The following USH2A variants were observed in gnomAD, a reference collection of about 807,000 sequenced individuals.
USH2A encodes the protein usherin.
A neutral mutation model predicts 538.9 loss-of-function variants in USH2A; 443 were observed. The observed-to-expected ratio is 0.82, with a 90% CI of 0.76 to 0.89. The LOEUF is 0.89. USH2A is among the 40% of genes least tolerant of loss of function. USH2A has a pLI of 0.00. For synonymous variants in USH2A, 2,413 were observed against 2,273.5 expected, an observed-to-expected ratio of 1.06 and a Z score of -1.75; for missense variants, 6,633 against 6,324.8, an observed-to-expected ratio of 1.05 and a Z score of -1.65.
chr1:216,328,472 C>A (rs1238441495), intron 4 of USH2A, among the ~76,000 whole-genome samples: 3 of 151,960 alleles, frequency 2.0e-5, no homozygotes, highest in African/African-American at 7.2e-5. Context: ...TTTTTAATAA[C>A]AAAATTTATT....
At chr1:215,981,350 A>G (rs1667748917) in intron 35 of USH2A, among the ~76,000 whole-genome samples, 1 of 151,972 alleles carries the variant, frequency 6.6e-6, no homozygotes, top group South Asian at 2.1e-4. Flanking sequence ...CTCTCTTATT[A>G]TTTATCTTTG....
chr1:215,738,454 G>T (rs1373974924), intron 60 of USH2A, among the ~76,000 whole-genome samples: 2 of 152,004 alleles, frequency 1.3e-5, no homozygotes, highest in African/African-American at 4.8e-5. Context: ...TTCTTACTAG[G>T]TTATTTTGTT....
intron 3 of USH2A, among the ~76,000 whole-genome samples, chr1:216,405,622 TC>T (rs1423182283): frequency 3.0e-4 from 45 of 152,182 alleles, no homozygotes; most frequent in African/African-American, 1.0e-3. Flanking sequence ...GAACAGCCAC[TC>T]TGGAAATGAG....
At chr1:215,993,347 C>T (rs1668050519) in intron 34 of USH2A, among the ~76,000 whole-genome samples, 180 bp from the exon 35 acceptor site, 1 of 152,148 alleles carries the variant, frequency 6.6e-6, no homozygotes, top group African/African-American at 2.4e-5. Flanking sequence ...CTTTTTAAGA[C>T]ATAAGATAGC....
chr1:215,626,250 C>T (rs888701472), intron 71 of USH2A, among the ~76,000 whole-genome samples: 1 of 149,016 alleles, frequency 6.7e-6, no homozygotes, highest in African/African-American at 2.5e-5. Flanking sequence ...TATATACACA[C>T]TATATAGACA....
At chr1:215,650,889 T>C (rs1571931303) in intron 64 of USH2A, 88 bp from the exon 65 acceptor site, 4 of 1,483,126 alleles carry the variant, frequency 2.7e-6, no homozygotes, top group East Asian at 2.3e-5. Context: ...AAAAACGAAA[T>C]TGGCAACCAA....
intron 45 of USH2A, 116 bp from the exon 46 acceptor site, chr1:215,844,612 C>T (rs1262061657): frequency 4.1e-5 from 44 of 1,069,276 alleles, no homozygotes; most frequent in Non-Finnish European, 5.3e-5. Flanking sequence ...ATCTGCTTTT[C>T]GCTGATGAAG....
intron 47 of USH2A, among the ~76,000 whole-genome samples, chr1:215,818,284 C>G (rs1019409194): frequency 6.6e-6 from 1 of 151,712 alleles, no homozygotes; most frequent in Non-Finnish European, 1.5e-5. Context: ...TTACTTAAGT[C>G]TCTTTTGTCA....
intron 3 of USH2A, among the ~76,000 whole-genome samples, chr1:216,415,250 T>G (rs2039557295): frequency 1.3e-5 from 2 of 152,124 alleles, no homozygotes; most frequent in African/African-American, 4.8e-5. Flanking sequence ...GCCCTCATTT[T>G]GTTCATCTAG....
At chr1:215,864,637 T>A (rs1185260116) in intron 44 of USH2A, among the ~76,000 whole-genome samples, 1 of 152,176 alleles carries the variant, frequency 6.6e-6, no homozygotes, top group Non-Finnish European at 1.5e-5. Flanking sequence ...AATTCTTAAA[T>A]GTTTGCAAAT....
chr1:215,717,313 A>G (rs4655425), intron 61 of USH2A, among the ~76,000 whole-genome samples: 25,998 of 152,096 alleles, frequency 0.17, 2,305 homozygotes, highest in South Asian at 0.31. Context: ...AGAAAGGTCT[A>G]CGGAATCATC....
At chr1:215,849,861 T>C (rs1004148672) in intron 44 of USH2A, among the ~76,000 whole-genome samples, 2 of 152,186 alleles carry the variant, frequency 1.3e-5, no homozygotes, top group African/African-American at 4.8e-5. Flanking sequence ...ATTTAAATGG[T>C]TACTTATGTG....
At chr1:216,259,268 C>T (rs1306895398) in intron 11 of USH2A, among the ~76,000 whole-genome samples, 2 of 152,126 alleles carry the variant, frequency 1.3e-5, no homozygotes, top group Non-Finnish European at 1.5e-5. Context: ...TAGAAACATA[C>T]TGGTTGCTGC....
chr1:216,235,470 C>A (rs747569487), intron 13 of USH2A, among the ~76,000 whole-genome samples: 4 of 152,124 alleles, frequency 2.6e-5, no homozygotes, highest in African/African-American at 2.4e-5. Flanking sequence ...ATTTAGCTGA[C>A]CCTTGGTTTT....
At chr1:215,750,846 C>G (rs904612024) in intron 58 of USH2A, among the ~76,000 whole-genome samples, 1 of 151,980 alleles carries the variant, frequency 6.6e-6, no homozygotes, top group African/African-American at 2.4e-5. Flanking sequence ...ATAGGACATA[C>G]TATATTAAGT....
intron 41 of USH2A, among the ~76,000 whole-genome samples, chr1:215,882,332 T>A: frequency 6.6e-6 from 1 of 152,336 alleles, no homozygotes; most frequent in African/African-American, 2.4e-5. Flanking sequence ...CATGTGGGAA[T>A]ATTTGACTCC....
intron 47 of USH2A, among the ~76,000 whole-genome samples, chr1:215,828,804 G>T (rs943185472): frequency 6.6e-6 from 1 of 152,140 alleles, no homozygotes; most frequent in African/African-American, 2.4e-5. Context: ...TAACAGTAAT[G>T]TAATAAAACA....
intron 19 of USH2A, chr1:216,195,876 CACA>C (rs2034830178): frequency 1.8e-5 from 3 of 167,162 alleles, no homozygotes; most frequent in Non-Finnish European, 4.4e-5. Context: ...GTATATCAGC[CACA>C]ACTGTAAACT....
At chr1:216,306,194 C>T (rs924134250) in intron 9 of USH2A, among the ~76,000 whole-genome samples, 11 of 151,810 alleles carry the variant, frequency 7.2e-5, no homozygotes, top group African/African-American at 2.4e-4. Context: ...TTCTTGGAGG[C>T]CTTGTTCATT....
Sources: gnomAD v4.1 joint callset for allele counts (sites outside exome capture counted in the v4.1 genomes callset) on GRCh38, gnomAD v4.1.1 for gene constraint, MANE v1.5 for transcripts, NCBI Gene and HGNC (gene_info 2026-07-23, HGNC 2026-07-21) for gene names.